Variants in SOS2 observed in about 807,000 individuals in gnomAD.
SOS2 encodes the protein son of sevenless homolog 2.
Under a neutral mutation model 148.2 loss-of-function variants are expected in SOS2, and 65 were observed. The ratio of observed to expected loss-of-function variants is 0.44; its 90% CI spans 0.36 to 0.54. The LOEUF (loss-of-function observed/expected upper bound fraction) is 0.54, where lower values mean the gene tolerates loss of function less well. Among genes scored for constraint, SOS2 ranks in the 20% least tolerant of loss-of-function variants. SOS2 has a pLI of 0.00. For synonymous variants in SOS2, 539 were observed against 537.1 expected (o/e 1.00, Z -0.05); for missense variants, 1,341 against 1,590.2 (o/e 0.84, Z 2.67).
chr14:50,162,142 G>A (rs1325350126), intron 8 of SOS2, among the ~76,000 whole-genome samples: 2 of 151,442 alleles, frequency 1.3e-5, no homozygotes, highest in Non-Finnish European at 2.9e-5. Context: ...AAAACCATTC[G>A]GACATTTTAT....
rs778601741 is a variant in SOS2, at chr14:50,118,858, A to G, written c.3490-5T>C. 2.8e-6 allele frequency: 4 copies of G among 1,440,616 alleles called. No individual in the cohort carries two copies. The highest frequency in any genetic ancestry group is 3.7e-6 in the Non-Finnish European group (4 of 1,087,804). The allele number at this position is 1,440,616 out of a possible 1,614,324, so 89.2% of individuals were successfully genotyped here. A position where few individuals can be genotyped will look rare whatever the true frequency, so the allele number is the denominator to read the frequency against. On this transcript the variant is annotated splice_region_variant and splice_polypyrimidine_tract_variant and intron_variant, in intron 22 of 22. Transcript: ENST00000216373. ...ATCATCAGATTTCATATTTCCCTCAAAAAAAAAAGTAATTAAATTATACCT... is the reference window on the plus strand; with the variant it reads ...ATCATCAGATTTCATATTTCCCTCAGAAAAAAAAGTAATTAAATTATACCT...
intron 4 of SOS2, 58 bp downstream of exon 4, chr14:50,199,633 A>G: frequency 1.0e-6 from 1 of 994,230 alleles, no homozygotes; most frequent in Non-Finnish European, 1.5e-6. Context: ...AAAAAGATTG[A>G]GGCAGAAATT....
Position 50,157,064 on chromosome 14 carries a change from G to A in SOS2, c.1992C>T (p.Gly664=). The A allele has an allele frequency of 6.2e-7, 1 of 1,612,344 alleles. No homozygotes were observed. The highest frequency in any genetic ancestry group is 8.5e-7 in the Non-Finnish European group (1 of 1,178,932). ...TDADKLAIEK[G]EQPISADLKR... is the part of the protein sequence containing the mutation. ...TAAGGTCTGCACTGATTGGCTGCTC[G>A]CCTTTCTCTATTGCCAATTTGTCTG... Residue 664 remains glycine, a synonymous_variant, in exon 12 of 23, where the codon GGC becomes GGT. Coordinates refer to ENST00000216373, the MANE Select transcript of SOS2 (RefSeq NM_006939.4).
At chr14:50,172,658 C>T (rs1339971661) in intron 8 of SOS2, among the ~76,000 whole-genome samples, 2 of 152,082 alleles carry the variant, frequency 1.3e-5, no homozygotes, top group East Asian at 1.9e-4. Context: ...CATGAGCCAC[C>T]GCACCTGGCT....
chr14:50,204,067 C>A (rs997895982), intron 2 of SOS2, among the ~76,000 whole-genome samples: 1 of 151,892 alleles, frequency 6.6e-6, no homozygotes, highest in Admixed American at 6.6e-5. Flanking sequence ...TTTTTCCCCT[C>A]ATAAATGTAC....
intron 1 of SOS2, among the ~76,000 whole-genome samples, chr14:50,222,964 G>A (rs1249277292): frequency 1.3e-5 from 2 of 152,180 alleles, no homozygotes; most frequent in African/African-American, 4.8e-5. Flanking sequence ...CAATATTCCA[G>A]GAGATTGGTG....
chr14:50,163,786 TTTTA>T (rs775230865), intron 8 of SOS2, among the ~76,000 whole-genome samples: 63 of 152,272 alleles, frequency 4.1e-4, no homozygotes, highest in Middle Eastern at 3.4e-3. Context: ...ATTAGAACTG[TTTTA>T]TTCTTGTTTT....
rs539824510 is a variant in SOS2 at position 50,224,245 on chromosome 14, C to T, written c.87+6952G>A. ...GGCAGAGGTTGCAGTGAGCCAAGAT[C>T]GCACCACTGCACTCCAGCCTGGGTG... On this transcript the variant is annotated intron_variant, in intron 1 of 22. Transcript: ENST00000216373. Among the ~76,000 whole-genome samples, 24 of 148,782 alleles carry T rather than the reference C, an allele frequency of 1.6e-4. 1 individual carries two copies. The highest frequency in any genetic ancestry group is 1.3e-3 in the Admixed American group (19 of 14,866).
chr14:50,139,658 T>C (rs1391546892), intron 17 of SOS2, among the ~76,000 whole-genome samples: 1 of 152,226 alleles, frequency 6.6e-6, no homozygotes, highest in African/African-American at 2.4e-5. Flanking sequence ...GTGACATAGA[T>C]AGTTATGATA....
intron 6 of SOS2, among the ~76,000 whole-genome samples, chr14:50,182,040 C>T (rs529234649): frequency 6.7e-6 from 1 of 149,066 alleles, no homozygotes; most frequent in Non-Finnish European, 1.5e-5. Flanking sequence ...TTATATACTA[C>T]TCTAGTATAT....
At chr14:50,157,261 C>T in intron 11 of SOS2, 140 bp from the exon 12 acceptor site, 1 of 825,848 alleles carries the variant, frequency 1.2e-6, no homozygotes, top group South Asian at 2.2e-5. Context: ...TGATATACTA[C>T]AAAAAACTGT....
intron 21 of SOS2, among the ~76,000 whole-genome samples, chr14:50,121,527 G>T (rs550789162): frequency 4.4e-5 from 3 of 68,400 alleles, no homozygotes; most frequent in Non-Finnish European, 8.6e-5. Flanking sequence ...TTACTTCCTG[G>T]GGGAGGGGGG....
rs763247508 is a variant in SOS2, at chr14:50,118,810, C to G, written c.3533G>C (p.Arg1178Thr). 6.5e-7 allele frequency: 1 copy of G among 1,527,552 alleles called. No individual in the cohort carries two copies. The highest frequency in any genetic ancestry group is 8.8e-7 in the Non-Finnish European group (1 of 1,131,280). The allele number at this position is 1,527,552 out of a possible 1,614,324, so 94.6% of individuals were successfully genotyped here. A position where few individuals can be genotyped will look rare whatever the true frequency, so the allele number is the denominator to read the frequency against. ...SDDDPPAIPP[R>T]QPPPPKVKPR... ...TTTTACCTTTGGAGGAGGAGGCTGT[C>G]TCGGTGGAATAGCAGGAGGATCATC... The change falls in exon 23 of 23, where the codon AGA becomes ACA. Residue 1178 changes from arginine (R) to threonine (T), a missense_variant. Transcript: ENST00000216373.
At chr14:50,178,666 G>A (rs1265428664) in intron 7 of SOS2, among the ~76,000 whole-genome samples, 2 of 70,068 alleles carry the variant, frequency 2.9e-5, no homozygotes, top group South Asian at 8.4e-4. Context: ...GTGTGTGTGT[G>A]TGTGCATATA....
At chr14:50,219,147 C>T (rs891046952) in intron 1 of SOS2, among the ~76,000 whole-genome samples, 10 of 152,138 alleles carry the variant, frequency 6.6e-5, no homozygotes, top group South Asian at 6.2e-4. Context: ...ACCTACTATC[C>T]GATCCAACCA....
chr14:50,187,776 A>C (rs991708982), intron 5 of SOS2, among the ~76,000 whole-genome samples: 5 of 152,246 alleles, frequency 3.3e-5, no homozygotes, highest in Non-Finnish European at 7.3e-5. Context: ...TTATTTTTAA[A>C]AGTTCCACCG....
intron 19 of SOS2, among the ~76,000 whole-genome samples, chr14:50,132,948 G>C (rs751615810): frequency 9.9e-5 from 15 of 151,816 alleles, no homozygotes; most frequent in Non-Finnish European, 1.8e-4. Context: ...TTACAGTCTT[G>C]ACTTGGCTCC....
intron 8 of SOS2, among the ~76,000 whole-genome samples, chr14:50,173,238 C>T (rs1325345381): frequency 2.0e-5 from 3 of 152,156 alleles, no homozygotes; most frequent in Non-Finnish European, 2.9e-5. Flanking sequence ...TAGACAGTTA[C>T]GACTTTTTCC....
chr14:50,217,653 T>C (rs948070731), intron 1 of SOS2, among the ~76,000 whole-genome samples: 3 of 152,084 alleles, frequency 2.0e-5, no homozygotes, highest in Non-Finnish European at 4.4e-5. Context: ...AAAAAACAAA[T>C]TGATAAAAAT....
Sources: gnomAD v4.1 joint callset for allele counts (sites outside exome capture counted in the v4.1 genomes callset) on GRCh38, gnomAD v4.1.1 for gene constraint, MANE v1.5 for transcripts, NCBI Gene and HGNC (gene_info 2026-07-23, HGNC 2026-07-21) for gene names.